Variants in FAM13A observed in about 807,000 individuals in gnomAD.
FAM13A encodes the protein protein FAM13A.
In FAM13A, 76 loss-of-function variants were observed where a neutral mutation model predicts 129.6. The ratio of observed to expected loss-of-function variants is 0.59; its 90% CI spans 0.49 to 0.71. The LOEUF (loss-of-function observed/expected upper bound fraction) is 0.71, where lower values mean the gene tolerates loss of function less well. FAM13A is among the 30% of genes least tolerant of loss of function. The probability of loss-of-function intolerance (pLI) is 0.00; values close to 1 mark genes in which losing one functional copy is unlikely to be tolerated. For synonymous variants in FAM13A, 443 were observed against 449.9 expected (o/e 0.98, Z 0.20); for missense variants, 1,108 against 1,249.3 (o/e 0.89, Z 1.70).
intron 6 of FAM13A, among the ~76,000 whole-genome samples, chr4:88,891,291 G>A (rs562391283): frequency 2.0e-5 from 3 of 152,136 alleles, no homozygotes; most frequent in African/African-American, 4.8e-5. Flanking sequence ...AGGTGTGGTG[G>A]CACATGCCTA....
intron 4 of FAM13A, among the ~76,000 whole-genome samples, chr4:88,942,984 C>T (rs1252040695): frequency 6.6e-6 from 1 of 152,154 alleles, no homozygotes; most frequent in African/African-American, 2.4e-5. Flanking sequence ...ATCCCTGTGC[C>T]TCATATTTTC....
chr4:88,812,689 T>C (rs1161142353), intron 7 of FAM13A, among the ~76,000 whole-genome samples: 1 of 152,178 alleles, frequency 6.6e-6, no homozygotes, highest in Non-Finnish European at 1.5e-5. Context: ...ACCGAGTGCT[T>C]AGCACATAAC....
chr4:88,731,290 C>T (rs776562280), intron 23 of FAM13A, 37 bp downstream of exon 23: 29 of 741,626 alleles, frequency 3.9e-5, no homozygotes, highest in African/African-American at 2.4e-4. Context: ...TGTGGTGCGG[C>T]GGGGGGGAAG....
At chr4:88,776,060 CG>C (rs1169649504) in intron 11 of FAM13A, among the ~76,000 whole-genome samples, 1 of 152,028 alleles carries the variant, frequency 6.6e-6, no homozygotes, top group Non-Finnish European at 1.5e-5. Context: ...GGAAGTTGTT[CG>C]TAGATAAGAG....
Position 89,029,603 on chromosome 4 carries a change from A to G in FAM13A, c.74T>C (p.Val25Ala). 6.3e-7 allele frequency: 1 copy of G among 1,586,080 alleles called. No homozygotes were observed. The highest frequency in any genetic ancestry group is 2.3e-5 in the East Asian group (1 of 43,726). The change falls in exon 2 of 24, where the codon GTG becomes GCG. Residue 25 changes from valine to alanine, a missense_variant. By Grantham distance (64) the Val-to-Ala change is moderately conservative. Around this residue, in one of 3 missense-constraint regions of FAM13A, gnomAD observed 566 missense variants for 595.7 expected, o/e 0.95. Coordinates refer to ENST00000264344, the MANE Select transcript of FAM13A (RefSeq NM_014883.4). ...CTTCTGTTCATTTAATGGCACTGCC[A>G]CTATCTTTTTCATGTCTTCTTTCAG... The part of the protein sequence containing the change: ...VRLKEDMKKI[V>A]AVPLNEQKDF...
At chr4:88,781,672 C>T (rs1484823189) in intron 10 of FAM13A, among the ~76,000 whole-genome samples, 1 of 151,924 alleles carries the variant, frequency 6.6e-6, no homozygotes, top group East Asian at 1.9e-4. Flanking sequence ...CTATTATTCA[C>T]AGTAGATGTT....
intron 11 of FAM13A, among the ~76,000 whole-genome samples, chr4:88,775,981 G>A (rs1262518065): frequency 6.6e-6 from 1 of 152,172 alleles, no homozygotes; most frequent in African/African-American, 2.4e-5. Context: ...TGAAATTCAG[G>A]TATGATTACA....
chr4:88,978,525 T>C (rs1440390151), intron 4 of FAM13A, among the ~76,000 whole-genome samples: 2 of 152,216 alleles, frequency 1.3e-5, no homozygotes, highest in African/African-American at 4.8e-5. Flanking sequence ...CTGGGTGCAG[T>C]GGCTCAGGCC....
At chr4:89,027,813 A>G (rs1768164289) in intron 2 of FAM13A, among the ~76,000 whole-genome samples, 1 of 152,098 alleles carries the variant, frequency 6.6e-6, no homozygotes, top group South Asian at 2.1e-4. Flanking sequence ...GGTGGCATAT[A>G]CACATGGATA....
At chr4:88,969,633 T>C (rs1921679) in intron 4 of FAM13A, among the ~76,000 whole-genome samples, 107,309 of 152,124 alleles carry the variant, frequency 0.71, 38,064 homozygotes, top group Middle Eastern at 0.8. Flanking sequence ...CTGAACATTT[T>C]CTCTACCTGG....
intron 7 of FAM13A, among the ~76,000 whole-genome samples, chr4:88,810,248 C>G (rs1428142398): frequency 6.6e-6 from 1 of 152,016 alleles, no homozygotes; most frequent in Non-Finnish European, 1.5e-5. Context: ...ATATTTCTAC[C>G]AATTTTTGTC....
At chr4:88,756,833 A>G (rs904809161) in intron 14 of FAM13A, among the ~76,000 whole-genome samples, 1 of 152,156 alleles carries the variant, frequency 6.6e-6, no homozygotes, top group African/African-American at 2.4e-5. Context: ...TAAGTACATA[A>G]GCTTAAAAAA....
chr4:89,033,578 C>A (rs368060147), intron 1 of FAM13A, among the ~76,000 whole-genome samples: 3 of 152,268 alleles, frequency 2.0e-5, no homozygotes, highest in East Asian at 3.9e-4. Context: ...ATTCCATATT[C>A]TTGTAGCAGA....
chr4:89,037,528 C>G (rs907678649), intron 1 of FAM13A, among the ~76,000 whole-genome samples: 4 of 152,172 alleles, frequency 2.6e-5, no homozygotes, highest in African/African-American at 9.7e-5. Context: ...TCAGATGTGA[C>G]TTTGGACTGG....
intron 3 of FAM13A, among the ~76,000 whole-genome samples, chr4:89,005,042 C>T (rs6852928): frequency 0.54 from 82,081 of 151,736 alleles, 22,771 homozygotes; most frequent in Middle Eastern, 0.7. Context: ...CCAGCTGTTA[C>T]CTTTACTGTT....
chr4:88,873,465 A>C (rs897644573), intron 6 of FAM13A, among the ~76,000 whole-genome samples: 2 of 152,250 alleles, frequency 1.3e-5, no homozygotes, highest in Non-Finnish European at 2.9e-5. Flanking sequence ...GGATATCACC[A>C]CCGATCCCAC....
chr4:88,745,164 C>T (rs536876825), intron 19 of FAM13A, among the ~76,000 whole-genome samples: 6 of 152,132 alleles, frequency 3.9e-5, no homozygotes, highest in Admixed American at 6.5e-5. Context: ...TACAGATAAA[C>T]GTCTGTGTGT....
At chr4:88,955,064 T>C (rs1201087700) in intron 4 of FAM13A, among the ~76,000 whole-genome samples, 2 of 152,104 alleles carry the variant, frequency 1.3e-5, no homozygotes, top group African/African-American at 2.4e-5. Flanking sequence ...GCTTCCTTCA[T>C]ACCTCACCGT....
chr4:88,802,776 C>G (rs1156269390), intron 8 of FAM13A, among the ~76,000 whole-genome samples: 1 of 152,186 alleles, frequency 6.6e-6, no homozygotes, highest in Non-Finnish European at 1.5e-5. Context: ...TCTGCATCCT[C>G]TATCCCAGAC....
Sources: gnomAD v4.1 joint callset for allele counts (sites outside exome capture counted in the v4.1 genomes callset) on GRCh38, gnomAD v4.1.1 for gene constraint, gnomAD v4.1.1 regional missense constraint, MANE v1.5 for transcripts, NCBI Gene and HGNC (gene_info 2026-07-23, HGNC 2026-07-21) for gene names.